The following SACM1L variants were observed in gnomAD, a reference collection of about 807,000 sequenced individuals.
The protein encoded by SACM1L is SAC1 like phosphatidylinositide phosphatase, also known as phosphatidylinositol-3-phosphatase SAC1.
Under a neutral mutation model 89.5 loss-of-function variants are expected in SACM1L, and 32 were observed. That is an observed-to-expected ratio of 0.36 (90% CI 0.27 to 0.48). The LOEUF (loss-of-function observed/expected upper bound fraction) is 0.48. SACM1L is among the 20% of genes least tolerant of loss of function. The pLI is 0.99. For synonymous variants in SACM1L, 213 were observed against 232.8 expected (o/e 0.92, Z 0.77); for missense variants, 543 against 708.5 (o/e 0.77, Z 2.65).
intron 19 of SACM1L, among the ~76,000 whole-genome samples, chr3:45,740,179 C>T (rs551893896): frequency 6.6e-6 from 1 of 152,098 alleles, no homozygotes; most frequent in Non-Finnish European, 1.5e-5. Flanking sequence ...GAGGAACAGT[C>T]AATTATGCAT....
intron 5 of SACM1L, 142 bp from the exon 6 acceptor site, chr3:45,712,994 GC>G: frequency 1.6e-6 from 1 of 606,404 alleles, no homozygotes. Context: ...GTACAGATTT[GC>G]GGGGGAGATG....
rs36040487 is a variant in SACM1L at position 45,705,496 on chromosome 3, ATTTTTT to A, written c.205+305_205+310del. On this transcript the variant is annotated intron_variant, in intron 3 of 19. Transcript: ENST00000389061. ...TTCACAAATGGAGTATGTAAATAAA[ATTTTTT>A]TTTTTTTTTTTTTTTTTGAGTTGGA... Among the ~76,000 whole-genome samples the A allele has an allele frequency of 5.8e-5, 6 of 103,226 alleles. 1 individual carries two copies. In the South Asian group the frequency reaches 9.4e-4, roughly 16 times the overall value. 67.7% of individuals were successfully genotyped at this position (103,226 alleles called of 152,430 possible).
intron 1 of SACM1L, among the ~76,000 whole-genome samples, chr3:45,693,186 T>C (rs558858458): frequency 6.6e-6 from 1 of 152,350 alleles, no homozygotes; most frequent in African/African-American, 2.4e-5. Context: ...ATATACGGTA[T>C]TATAAGCTTA....
Position 45,705,218 on chromosome 3 carries a change from A to C in SACM1L, c.205+9A>C. The C allele has an allele frequency of 6.3e-7, 1 of 1,577,594 alleles. No individual in the cohort carries two copies. The highest frequency in any genetic ancestry group is 1.3e-5 in the African/African-American group (1 of 74,226). On this transcript the variant is annotated intron_variant, in intron 3 of 19. Coordinates refer to ENST00000389061, the MANE Select transcript of SACM1L (RefSeq NM_014016.5). The stretch of plus-strand genomic sequence containing the variant: ...AATCCATCTGGTGGCAGGTAAGAGA[A>C]AATAAGCTAAGATGGGCAAAGAAGG...
At position 45,738,675 on chromosome 3, in the gene SACM1L, A is replaced by C. The variant is rs756440887; in HGVS notation, c.1476+4A>C. ...CTTTTCCGATGGATTTAGACAAGTA[A>C]GTTTGTATTTGATGCTTTCCTGGCA... On this transcript the variant is annotated splice_donor_region_variant and intron_variant, in intron 17 of 19. Transcript: ENST00000389061. 2 of 1,593,512 alleles carry C rather than the reference A, an allele frequency of 1.3e-6. No homozygotes were observed. The highest frequency in any genetic ancestry group is 3.3e-5 in the Admixed American group (2 of 59,946).
chr3:45,735,475 A>T, intron 14 of SACM1L, 102 bp downstream of exon 14: 9 of 1,145,868 alleles, frequency 7.9e-6, no homozygotes, highest in Non-Finnish European at 1.1e-5. Flanking sequence ...CCACACCCTA[A>T]CCCAGCTCTT....
At chr3:45,741,431 G>T (rs1699312664) in intron 19 of SACM1L, among the ~76,000 whole-genome samples, 1 of 152,092 alleles carries the variant, frequency 6.6e-6, no homozygotes, top group Non-Finnish European at 1.5e-5. Flanking sequence ...TTGCATACTT[G>T]TTTGTTTTTT....
intron 7 of SACM1L, among the ~76,000 whole-genome samples, chr3:45,717,663 T>A (rs1196268894): frequency 6.6e-6 from 1 of 152,150 alleles, no homozygotes; most frequent in Non-Finnish European, 1.5e-5. Flanking sequence ...CCTAAACAAA[T>A]GTGGAAGGAG....
At chr3:45,689,865 AAG>A (rs1346817723) in intron 1 of SACM1L, 4 of 335,940 alleles carry the variant, frequency 1.2e-5, no homozygotes, top group Non-Finnish European at 2.2e-5. Context: ...AACAGAGAAA[AAG>A]AGTTTTCTCT....
At chr3:45,735,589 A>G (rs1247804204) in intron 14 of SACM1L, among the ~76,000 whole-genome samples, 1 of 152,106 alleles carries the variant, frequency 6.6e-6, no homozygotes, top group Non-Finnish European at 1.5e-5. Flanking sequence ...CATTTATGTA[A>G]TCACAGTTTC....
At chr3:45,689,628 C>G (rs1157459114) in intron 1 of SACM1L, 131 bp downstream of exon 1, 3 of 1,157,628 alleles carry the variant, frequency 2.6e-6, no homozygotes, top group East Asian at 2.6e-5. Flanking sequence ...ACCGGTTTTC[C>G]TCAGCCGGCG....
At chr3:45,734,953 C>A in intron 13 of SACM1L, 1 of 287,516 alleles carries the variant, frequency 3.5e-6, no homozygotes, top group Non-Finnish European at 6.4e-6. Context: ...TTGATTTGCA[C>A]AGCAACCTTT....
rs939483491 is a variant in SACM1L, at chr3:45,744,563, G to A, written c.*894G>A. ...TCTAGATTTCATATTGCACTTGGAG[G>A]GTAACAGCTGCTTTTTCACGCATGG... On this transcript the variant is annotated 3_prime_UTR_variant, in exon 20 of 20. Coordinates refer to ENST00000389061, the MANE Select transcript of SACM1L (RefSeq NM_014016.5). 6.6e-5 allele frequency: 10 copies of A among 152,450 alleles called. No homozygotes were observed. Among genetic ancestry groups the A allele is most frequent in the African/African-American group, 1.9e-4 (8 of 41,366 alleles). 9.4% of individuals were successfully genotyped at this position (152,450 alleles called of 1,614,324 possible).
chr3:45,719,621 G>T lies in SACM1L; in HGVS notation c.679+20G>T. On this transcript the variant is annotated intron_variant, in intron 8 of 19. Coordinates refer to ENST00000389061, the MANE Select transcript of SACM1L (RefSeq NM_014016.5). ...TAAGAGGTGAGAATTTTGTCAGCAT[G>T]GGTCATATCTGTAATTAATATTTTG... 1 of 1,420,148 alleles carries T rather than the reference G, an allele frequency of 7.0e-7. No homozygotes were observed. The highest frequency in any genetic ancestry group is 1.2e-5 in the South Asian group (1 of 82,784). The allele number at this position is 1,420,148 out of a possible 1,614,324, so 88.0% of individuals were successfully genotyped here.
intron 7 of SACM1L, among the ~76,000 whole-genome samples, chr3:45,717,464 A>G (rs1698687984): frequency 6.6e-6 from 1 of 152,222 alleles, no homozygotes; most frequent in Admixed American, 6.5e-5. Context: ...GAGAATAGTT[A>G]CTTCTAGGTG....
chr3:45,690,317 A>G (rs915635614), intron 1 of SACM1L: 3 of 152,200 alleles, frequency 2.0e-5, no homozygotes, highest in Non-Finnish European at 4.4e-5. Flanking sequence ...ATTTTGTTGT[A>G]CTCACTTCGT....
intron 19 of SACM1L, among the ~76,000 whole-genome samples, chr3:45,741,602 T>G (rs567378200): frequency 2.0e-4 from 30 of 152,346 alleles, no homozygotes; most frequent in Non-Finnish European, 3.4e-4. Context: ...GGAGGCTCAG[T>G]TACCTGTTCA....
chr3:45,737,980 G>T (rs1699239331), intron 16 of SACM1L, 136 bp downstream of exon 16: 3 of 688,588 alleles, frequency 4.4e-6, no homozygotes, highest in Non-Finnish European at 7.6e-6. Flanking sequence ...CTTGAGACCT[G>T]TGGAGTCAGG....
At chr3:45,696,151 C>G (rs1698121213) in intron 1 of SACM1L, among the ~76,000 whole-genome samples, 2 of 152,060 alleles carry the variant, frequency 1.3e-5, no homozygotes, top group South Asian at 2.1e-4. Flanking sequence ...GTGCCTGCCA[C>G]CACGCCCAGC....
Sources: gnomAD v4.1 joint callset for allele counts (sites outside exome capture counted in the v4.1 genomes callset) on GRCh38, gnomAD v4.1.1 for gene constraint, MANE v1.5 for transcripts, NCBI Gene and HGNC (gene_info 2026-07-23, HGNC 2026-07-21) for gene names.